The following EHMT1 variants were observed in gnomAD, a reference collection of about 807,000 sequenced individuals.
The protein encoded by EHMT1 is histone-lysine N-methyltransferase EHMT1.
Under a neutral mutation model 147.2 loss-of-function variants are expected in EHMT1, and 15 were observed. That is an observed-to-expected ratio of 0.10 (90% CI 0.07 to 0.16). EHMT1 has a LOEUF of 0.16. Among genes scored for constraint, EHMT1 ranks in the 10% least tolerant of loss-of-function variants. The pLI, the probability that EHMT1 is intolerant of heterozygous loss-of-function variation, is 1.00. For missense variants in EHMT1, 1,587 were observed against 1,772.4 expected (o/e 0.90, Z 1.88); for synonymous variants, 795 against 709.6 (o/e 1.12, Z -1.91).
At position 137,817,439 on chromosome 9, in the gene EHMT1, G is replaced by T. The variant is rs764006601; in HGVS notation, c.3375G>T (p.Arg1125Ser). 1 of 1,614,140 alleles carries T rather than the reference G, an allele frequency of 6.2e-7. No homozygotes were observed. The highest frequency in any genetic ancestry group is 8.5e-7 in the Non-Finnish European group (1 of 1,180,034). The change falls in exon 24 of 27, where the codon AGG becomes AGT. Residue 1125 changes from arginine (R) to serine (S), a missense_variant and splice_region_variant. Arg to Ser is a moderately radical substitution (Grantham distance 110). This residue lies in a region of EHMT1 where 156 missense variants were observed against 252.5 expected (regional missense o/e 0.62). Coordinates refer to ENST00000460843, the MANE Select transcript of EHMT1 (RefSeq NM_024757.5). Reference protein sequence around the residue: ...CRNRVVQNGLRARLQLYRTRD... With the variant: ...CRNRVVQNGLSARLQLYRTRD... ...TTCACCACTACTCTCTATTTTTCAG[G>T]GCAAGGCTGCAGCTCTACCGGACGC...
chr9:137,702,505 A>T (rs1943922922), intron 1 of EHMT1, among the ~76,000 whole-genome samples: 1 of 152,196 alleles, frequency 6.6e-6, no homozygotes, highest in East Asian at 1.9e-4. Flanking sequence ...TCTCACTTCC[A>T]GGCCACACTG....
intron 2 of EHMT1, among the ~76,000 whole-genome samples, chr9:137,711,627 TGAGGGGAGTTGGGGC>T (rs1385102083): frequency 6.7e-6 from 1 of 150,024 alleles, no homozygotes; most frequent in African/African-American, 2.5e-5. Context: ...AGAGGCAGGG[TGAGGGGAGTTGGGGC>T]GAGGGGAGTC....
chr9:137,810,634 G>A (rs1487811904), intron 18 of EHMT1, among the ~76,000 whole-genome samples: 1 of 151,756 alleles, frequency 6.6e-6, no homozygotes. Context: ...TATTTTACAT[G>A]TGGCACAAGT....
chr9:137,645,500 G>C (rs1415712735), intron 1 of EHMT1, among the ~76,000 whole-genome samples: 3 of 152,192 alleles, frequency 2.0e-5, no homozygotes, highest in African/African-American at 2.4e-5. Flanking sequence ...AGAAGCCCTT[G>C]TGTCCTAGTT....
intron 1 of EHMT1, among the ~76,000 whole-genome samples, chr9:137,654,954 G>A (rs1938275461): frequency 6.6e-6 from 1 of 152,084 alleles, no homozygotes; most frequent in South Asian, 2.1e-4. Context: ...GGTATTCAGG[G>A]ACTGCAGCAG....
chr9:137,769,415 C>G (rs1259701284), intron 10 of EHMT1, among the ~76,000 whole-genome samples: 1 of 152,148 alleles, frequency 6.6e-6, no homozygotes, highest in African/African-American at 2.4e-5. Flanking sequence ...TTTGGTAGCA[C>G]AAGGCTGCTG....
At chr9:137,725,877 T>C (rs148179433) in intron 3 of EHMT1, among the ~76,000 whole-genome samples, 149 of 152,242 alleles carry the variant, frequency 9.8e-4, no homozygotes, top group African/African-American at 3.4e-3. Flanking sequence ...AGCCAGGTGC[T>C]ACCCTGTTCT....
intron 4 of EHMT1, among the ~76,000 whole-genome samples, chr9:137,741,296 C>T (rs1159285139): frequency 6.6e-6 from 1 of 152,158 alleles, no homozygotes; most frequent in East Asian, 1.9e-4. Context: ...TTCTTAAGCA[C>T]ATGAAATGCA....
chr9:137,649,458 T>TCAAA (rs113684662), intron 1 of EHMT1, among the ~76,000 whole-genome samples: 20,241 of 150,012 alleles, frequency 0.13, 1,468 homozygotes, highest in Middle Eastern at 0.23. Context: ...AGACTCCGAC[T>TCAAA]CAAACAAACA....
At chr9:137,676,729 G>T (rs1220799691) in intron 1 of EHMT1, among the ~76,000 whole-genome samples, 1 of 152,184 alleles carries the variant, frequency 6.6e-6, no homozygotes, top group Non-Finnish European at 1.5e-5. Context: ...AGCCACAGGG[G>T]ACTGGAGCCC....
intron 3 of EHMT1, among the ~76,000 whole-genome samples, chr9:137,721,973 T>G (rs1455352365): frequency 6.9e-6 from 1 of 145,252 alleles, no homozygotes; most frequent in Non-Finnish European, 1.5e-5. Flanking sequence ...GATCTCAATT[T>G]CTCTAATTTT....
intron 4 of EHMT1, among the ~76,000 whole-genome samples, chr9:137,735,919 G>A (rs1481029872): frequency 1.3e-5 from 2 of 152,156 alleles, no homozygotes; most frequent in East Asian, 1.9e-4. Context: ...CCTACCAGGT[G>A]TACCTGCTCA....
At position 137,782,384 on chromosome 9, in the gene EHMT1, A is replaced by G. The variant is rs1243592908; in HGVS notation, c.2369A>G (p.His790Arg). The change falls in exon 15 of 27, where the codon CAC (histidine) becomes CGC (arginine). Residue 790 changes from histidine to arginine, a missense_variant. Physicochemically the swap from His to Arg is conservative, Grantham distance 29. Around this residue, in one of 7 missense-constraint regions of EHMT1, gnomAD observed 201 missense variants for 350.1 expected, o/e 0.57. Transcript: ENST00000460843. This position sits in a 1 kb window ranked among gnomAD's most constrained non-coding sequence, Gnocchi z 5.7. ...AAEAGHVDIC[H>R]MLVQAGANID... ...GAGGCTGGACACGTGGACATCTGCC[A>G]CATGCTGGTTCAGGTGCGGCGGCAC... 6.2e-7 allele frequency: 1 copy of G among 1,610,732 alleles called. No homozygotes were observed. Among genetic ancestry groups the G allele is most frequent in the Non-Finnish European group, 8.5e-7 (1 of 1,179,636 alleles).
intron 15 of EHMT1, chr9:137,784,122 G>T (rs886513615): frequency 6.7e-7 from 1 of 1,497,186 alleles, no homozygotes; most frequent in Non-Finnish European, 9.1e-7. Flanking sequence ...AGGCTGGGAA[G>T]CCCAAGGTCG....
chr9:137,726,946 C>A (rs899012673), intron 3 of EHMT1, among the ~76,000 whole-genome samples: 1 of 152,126 alleles, frequency 6.6e-6, no homozygotes, highest in Non-Finnish European at 1.5e-5. Flanking sequence ...GCTCATTAGC[C>A]ATTTGTATGT....
chr9:137,828,698 C>T lies in EHMT1; in HGVS notation c.3541-5651C>T, dbSNP rs916413817. Among the ~76,000 whole-genome samples, 6 of 152,284 alleles carry T rather than the reference C, an allele frequency of 3.9e-5. No individual in the cohort carries two copies. Among genetic ancestry groups the T allele is most frequent in the South Asian group, 2.1e-4 (1 of 4,826 alleles). The stretch of plus-strand genomic sequence containing the variant: ...AGGGTGGGAGGAGGGTTATTTTTAA[C>T]GCACTGCACTAGAGCATCTCTAAGG... On this transcript the variant is annotated intron_variant, in intron 25 of 26. Transcript: ENST00000460843. The surrounding 1 kb of genome is among the most constrained non-coding windows in gnomAD (Gnocchi z 5.3).
intron 15 of EHMT1, chr9:137,789,074 G>A (rs190699768): frequency 1.3e-5 from 2 of 152,620 alleles, no homozygotes; most frequent in Admixed American, 1.3e-4. Context: ...GTTCTCATGG[G>A]CGGGGTCATT....
chr9:137,762,954 G>A, intron 10 of EHMT1, 134 bp downstream of exon 10: 2 of 1,156,816 alleles, frequency 1.7e-6, no homozygotes, highest in Non-Finnish European at 2.5e-6. Context: ...ATTCTGCGCA[G>A]AACCAATCGA....
intron 1 of EHMT1, among the ~76,000 whole-genome samples, chr9:137,676,713 G>A (rs1941374047): frequency 6.6e-6 from 1 of 152,198 alleles, no homozygotes; most frequent in African/African-American, 2.4e-5. Context: ...TGGGGGAAGT[G>A]GGTGGAGCCA....
Sources: gnomAD v4.1 joint callset for allele counts (sites outside exome capture counted in the v4.1 genomes callset) on GRCh38, gnomAD v4.1.1 for gene constraint, gnomAD v4.1.1 regional missense constraint, Gnocchi (gnomAD v3.1) non-coding constraint, MANE v1.5 for transcripts, NCBI Gene and HGNC (gene_info 2026-07-23, HGNC 2026-07-21) for gene names.